NXPE4: variants seen among roughly 807,000 people sequenced by gnomAD.
NXPE4 encodes NXPE family member 4.
NXPE4 carries 42 observed loss-of-function variants against 33.3 expected under a neutral mutation model. That is an observed-to-expected ratio of 1.26 (90% CI 0.98 to 1.63). The LOEUF (loss-of-function observed/expected upper bound fraction) is 1.63. NXPE4 is among the 40% of genes most tolerant of loss of function. The pLI is 0.00. For synonymous variants in NXPE4, 253 were observed against 234.9 expected, an observed-to-expected ratio of 1.08 and a Z score of -0.71; for missense variants, 709 against 647.6, an observed-to-expected ratio of 1.09 and a Z score of -1.03.
At chr11:114,609,696 A>T in the NXPE4 span, among the ~76,000 whole-genome samples, 1 of 151,630 alleles carries the variant, frequency 6.6e-6, no homozygotes, top group African/African-American at 2.4e-5. Flanking sequence ...CCTCATGGGT[A>T]ACCACTGTTA....
the NXPE4 span, among the ~76,000 whole-genome samples, chr11:114,673,941 A>C: frequency 6.6e-6 from 1 of 151,794 alleles, no homozygotes; most frequent in East Asian, 1.9e-4. Flanking sequence ...GTTAAATCTC[A>C]CCATGACAAT....
In NXPE4 at chr11:114,572,559, A is replaced by G. The variant is rs111367865; in HGVS notation, c.1100-1086T>C. Among the ~76,000 whole-genome samples, 923 of 152,330 alleles carry G rather than the reference A, an allele frequency of 6.1e-3. 10 individuals are homozygous for G. The highest frequency in any genetic ancestry group is 0.012 in the South Asian group (59 of 4,830). ...CTGGAAATCAAGGATACACTTAGAG[A>G]AATGCAAAATGCACTGGAAATTCTC... On this transcript the variant is annotated intron_variant, in intron 5 of 5. Transcript: ENST00000375478.
the NXPE4 span, among the ~76,000 whole-genome samples, chr11:114,632,541 T>C: frequency 1.5e-4 from 18 of 120,058 alleles, no homozygotes; most frequent in Non-Finnish European, 2.6e-4. Context: ...ATATTTATTA[T>C]ATATGTATAT....
intron 1 of NXPE4, 44 bp from the exon 2 acceptor site, chr11:114,594,813 A>C: frequency 1.0e-6 from 1 of 982,426 alleles, no homozygotes; most frequent in Non-Finnish European, 1.6e-6. Flanking sequence ...CATACAACAA[A>C]ACAGAAAAGC....
chr11:114,602,634 TTCATATATAATAATTTTC>T, the NXPE4 span, among the ~76,000 whole-genome samples: 2 of 141,494 alleles, frequency 1.4e-5, no homozygotes, highest in African/African-American at 5.1e-5. Flanking sequence ...AAATTATAGA[TTCATATATAATAATTTTC>T]TCATATATAA....
At chr11:114,613,121 G>A in the NXPE4 span, among the ~76,000 whole-genome samples, 3 of 150,956 alleles carry the variant, frequency 2.0e-5, no homozygotes, top group Admixed American at 6.6e-5. Context: ...CTGTAACCAG[G>A]TGGATAATAA....
chr11:114,582,255 G>A (rs752576681), intron 3 of NXPE4, 33 bp downstream of exon 3: 1 of 1,529,202 alleles, frequency 6.5e-7, no homozygotes, highest in Non-Finnish European at 8.8e-7. Context: ...CACAATATTT[G>A]CACAGGTAGT....
the NXPE4 span, among the ~76,000 whole-genome samples, chr11:114,630,077 G>A: frequency 5.9e-5 from 9 of 151,668 alleles, no homozygotes; most frequent in East Asian, 1.9e-4. Context: ...AATCAATATC[G>A]TGAAAATGGC....
chr11:114,628,524 T>G, the NXPE4 span, among the ~76,000 whole-genome samples: 1 of 151,674 alleles, frequency 6.6e-6, no homozygotes, highest in African/African-American at 2.4e-5. Flanking sequence ...CAAAGCAGTG[T>G]GTAGAGGGAA....
At chr11:114,601,720 ATAATTATATATTATATATAAT>A in the NXPE4 span, among the ~76,000 whole-genome samples, 5 of 72,126 alleles carry the variant, frequency 6.9e-5, no homozygotes, top group African/African-American at 2.9e-4. Flanking sequence ...ATTATATATT[ATAATTATATATTATATATAAT>A]TATAATATAT....
rs766253958 is a variant in NXPE4 at position 114,582,666 on chromosome 11, G to T, written c.452C>A (p.Ala151Asp). The T allele has an allele frequency of 6.2e-7, 1 of 1,614,170 alleles. No homozygotes were observed. The highest frequency in any genetic ancestry group is 2.2e-5 in the East Asian group (1 of 44,870). Residue 151 changes from alanine (A) to aspartate (D), a missense_variant, in exon 3 of 6, where the codon GCT (alanine) becomes GAT (aspartate). Coordinates refer to ENST00000375478, the MANE Select transcript of NXPE4 (RefSeq NM_001077639.2). ...RMSSPALMAG[A>D]SGKVTDFNNG... ...GTTGAAGTCAGTCACCTTTCCTGAA[G>T]CACCTGCCATCAGCGCTGGGGAAGA...
chr11:114,660,163 G>A, the NXPE4 span, among the ~76,000 whole-genome samples: 1 of 151,838 alleles, frequency 6.6e-6, no homozygotes, highest in Non-Finnish European at 1.5e-5. Flanking sequence ...TCTGCATCAG[G>A]ATTTTTCATA....
At chr11:114,601,597 T>A in the NXPE4 span, among the ~76,000 whole-genome samples, 234 of 2,112 alleles carry the variant, frequency 0.11, 2 homozygotes, top group South Asian at 0.14. Context: ...TATATATTAT[T>A]TATAATTATA....
At chr11:114,645,723 C>T in the NXPE4 span, among the ~76,000 whole-genome samples, 2 of 151,930 alleles carry the variant, frequency 1.3e-5, no homozygotes, top group African/African-American at 2.4e-5. Context: ...ATAAAGAATT[C>T]ATATAAAGTG....
intron 5 of NXPE4, among the ~76,000 whole-genome samples, chr11:114,575,382 G>A (rs11215064): frequency 0.32 from 49,082 of 151,830 alleles, 8,453 homozygotes; most frequent in East Asian, 0.66. Flanking sequence ...CATCCGAATT[G>A]GTAAAGAGGA....
At chr11:114,596,767 T>C (rs574933750), upstream of NXPE4, among the ~76,000 whole-genome samples, 1 of 152,336 alleles carries the variant, frequency 6.6e-6, no homozygotes, top group East Asian at 1.9e-4. Context: ...ACCACCCAAG[T>C]TCACAGTCTA....
intron 4 of NXPE4, 43 bp downstream of exon 4, chr11:114,581,682 G>A (rs927868674): frequency 1.4e-6 from 2 of 1,443,990 alleles, no homozygotes; most frequent in African/African-American, 1.4e-5. Context: ...CCTTTAAATG[G>A]GTCTAGAACT....
the NXPE4 span, among the ~76,000 whole-genome samples, chr11:114,659,356 C>A: frequency 6.6e-6 from 1 of 151,210 alleles, no homozygotes; most frequent in African/African-American, 2.4e-5. Flanking sequence ...TTTTGATGGC[C>A]TTATCAGAAG....
In NXPE4 at chr11:114,582,772, G is replaced by C. The variant is rs754207728; in HGVS notation, c.346C>G (p.Gln116Glu). ...NPRDTYCRGD[Q>E]LHILLEVRDH... ...CTCACCTCCAGCAGGATGTGCAGCT[G>C]GTCTCCCCTGCAGTACGTATCTCGA... Residue 116 changes from glutamine to glutamate, a missense_variant, in exon 3 of 6, where the codon CAG (glutamine) becomes GAG (glutamate). Transcript: ENST00000375478. 1 of 1,614,182 alleles carries C rather than the reference G, an allele frequency of 6.2e-7. No homozygotes were observed. Among genetic ancestry groups the C allele is most frequent in the East Asian group, 2.2e-5 (1 of 44,878 alleles).
Sources: gnomAD v4.1 joint callset for allele counts (sites outside exome capture counted in the v4.1 genomes callset) on GRCh38, gnomAD v4.1.1 for gene constraint, MANE v1.5 for transcripts, NCBI Gene and HGNC (gene_info 2026-07-23, HGNC 2026-07-21) for gene names.